CLOCK: variants seen among roughly 807,000 people sequenced by gnomAD.
The protein encoded by CLOCK is clock circadian regulator.
Under a neutral mutation model 118.4 loss-of-function variants are expected in CLOCK, and 43 were observed. The ratio of observed to expected loss-of-function variants is 0.36; its 90% CI spans 0.28 to 0.47. The LOEUF (loss-of-function observed/expected upper bound fraction) is 0.47. CLOCK is among the 20% of genes least tolerant of loss of function. The pLI, the probability that CLOCK is intolerant of heterozygous loss-of-function variation, is 1.00. For missense variants in CLOCK, 846 were observed against 999.9 expected (o/e 0.85, Z 2.08); for synonymous variants, 326 against 339.2 (o/e 0.96, Z 0.43).
In CLOCK at chr4:55,438,501, C is replaced by T; in HGVS notation, c.2142G>A (p.Val714=). 6.2e-7 allele frequency: 1 copy of T among 1,613,636 alleles called. No individual in the cohort carries two copies. The highest frequency in any genetic ancestry group is 1.1e-5 in the South Asian group (1 of 91,044). ...SQGQQLVTKL[V]TAPVACGAVM... The stretch of plus-strand genomic sequence containing the variant: ...CTGCCCCACAAGCTACAGGAGCAGT[C>T]ACTAATTTGGTCACAAGTTGTTGAC... Residue 714 remains valine, a synonymous_variant, in exon 22 of 23, where the codon GTG becomes GTA. Coordinates refer to ENST00000513440, the MANE Select transcript of CLOCK (RefSeq NM_004898.4).
chr4:55,509,122 G>C (rs1045088766), intron 2 of CLOCK, among the ~76,000 whole-genome samples: 3 of 152,122 alleles, frequency 2.0e-5, no homozygotes, highest in African/African-American at 7.2e-5. Flanking sequence ...AAAGGTAATG[G>C]GTTGTGCCAT....
chr4:55,505,147 C>T (rs929976466), intron 2 of CLOCK, among the ~76,000 whole-genome samples: 1 of 127,752 alleles, frequency 7.8e-6, no homozygotes, highest in African/African-American at 2.7e-5. Context: ...ACTCTGTCCC[C>T]CTCACCCCCC....
intron 18 of CLOCK, among the ~76,000 whole-genome samples, chr4:55,447,041 T>C (rs1723916395): frequency 6.6e-6 from 1 of 152,080 alleles, no homozygotes; most frequent in Non-Finnish European, 1.5e-5. Flanking sequence ...CTCAAGTTTT[T>C]TTTTTTGTTT....
At position 55,458,474 on chromosome 4, in the gene CLOCK, T is replaced by C. The variant is rs545475790; in HGVS notation, c.792+418A>G. On this transcript the variant is annotated intron_variant, in intron 11 of 22. Coordinates refer to ENST00000513440, the MANE Select transcript of CLOCK (RefSeq NM_004898.4). ...TCATCTGTTTGTTGGGTCCAGGAAA[T>C]AAAAATAAAATACCTAATTTTACAT... is the stretch of plus-strand genomic sequence containing the variant. Among the ~76,000 whole-genome samples the C allele has an allele frequency of 2.0e-4, 31 of 152,136 alleles. No individual in the cohort carries two copies. In the East Asian group the frequency reaches 6.0e-3, roughly 29 times the overall value.
At chr4:55,454,796 C>A (rs1449729933) in intron 13 of CLOCK, among the ~76,000 whole-genome samples, 1 of 151,938 alleles carries the variant, frequency 6.6e-6, no homozygotes, top group Non-Finnish European at 1.5e-5. Flanking sequence ...TATGGACCAA[C>A]ATTCGGTGGA....
chr4:55,476,928 C>G (rs983410453), intron 6 of CLOCK, among the ~76,000 whole-genome samples: 2 of 152,028 alleles, frequency 1.3e-5, no homozygotes, highest in African/African-American at 4.8e-5. Flanking sequence ...ATTTTATCAT[C>G]AGATAGAGAA....
At chr4:55,494,366 C>T (rs1022524521) in intron 2 of CLOCK, among the ~76,000 whole-genome samples, 2 of 152,148 alleles carry the variant, frequency 1.3e-5, no homozygotes, top group Non-Finnish European at 2.9e-5. Context: ...CAAAAAAGGA[C>T]ACTGCAGATG....
At chr4:55,456,064 T>C in intron 12 of CLOCK, 61 bp from the exon 13 acceptor site, 1 of 1,034,910 alleles carries the variant, frequency 9.7e-7, no homozygotes, top group Non-Finnish European at 1.4e-6. Flanking sequence ...ATATTTCAAC[T>C]AGAAATAAAC....
At chr4:55,522,478 C>T (rs1056762600) in intron 1 of CLOCK, among the ~76,000 whole-genome samples, 3 of 150,512 alleles carry the variant, frequency 2.0e-5, no homozygotes, top group Non-Finnish European at 4.4e-5. Context: ...ACAAAAGATG[C>T]CAACCAGTAA....
intron 1 of CLOCK, among the ~76,000 whole-genome samples, chr4:55,531,698 C>A (rs1168293906): frequency 1.6e-5 from 1 of 63,076 alleles, no homozygotes. Flanking sequence ...AGCAAGACTT[C>A]GTCTCAAAAA....
chr4:55,457,505 T>C (rs1472519234), intron 11 of CLOCK, among the ~76,000 whole-genome samples: 2 of 152,210 alleles, frequency 1.3e-5, no homozygotes, highest in Non-Finnish European at 2.9e-5. Context: ...ACAATTACCT[T>C]ACCAATACTC....
intron 2 of CLOCK, among the ~76,000 whole-genome samples, chr4:55,493,087 T>A (rs1727834356): frequency 6.6e-6 from 1 of 152,134 alleles, no homozygotes; most frequent in Non-Finnish European, 1.5e-5. Context: ...ATTTTTTTTC[T>A]TTTTCTTTTA....
chr4:55,494,455 T>A (rs575437681), intron 2 of CLOCK, among the ~76,000 whole-genome samples: 3 of 152,194 alleles, frequency 2.0e-5, no homozygotes, highest in Admixed American at 6.5e-5. Flanking sequence ...CGTGAGTTCT[T>A]AAGAGGAAAG....
In CLOCK at chr4:55,453,725, TG is replaced by T; in HGVS notation, c.1081del (p.Gln361SerfsTer15). ...LQTHYYITYHQWNSRPEFIVC... is the reference protein window; with the variant it reads ...LQTHYYITYHXWNSRPEFIVC... The stretch of plus-strand genomic sequence containing the variant: ...AATAAACTCTGGCCTTGAATTCCAC[TG>T]ATGGTAAGTGATATAATAATGAGTC... On this transcript the variant is annotated frameshift_variant, in exon 14 of 23. Transcript: ENST00000513440. LOFTEE classifies it high-confidence loss of function. The T allele has an allele frequency of 6.2e-7, 1 of 1,610,848 alleles. No homozygotes were observed.
chr4:55,527,457 T>C (rs899369421), intron 1 of CLOCK, among the ~76,000 whole-genome samples: 1 of 152,148 alleles, frequency 6.6e-6, no homozygotes, highest in African/African-American at 2.4e-5. Flanking sequence ...AGCTTGCCCA[T>C]ATATTTTCTA....
chr4:55,449,416 T>A lies in CLOCK; in HGVS notation c.1429A>T (p.Arg477Trp). ...CTTACCTGACTACTAAATGATGACC[T>A]TCTTTGCACCATCTTCTCATGAGCT... Reference protein sequence around the residue: ...LPAHEKMVQRRSSFSSQSINS... With the variant: ...LPAHEKMVQRWSSFSSQSINS... Residue 477 changes from arginine to tryptophan, a missense_variant, in exon 17 of 23, where the codon AGG (arginine) becomes TGG (tryptophan). By Grantham distance (101) the Arg-to-Trp change is moderately radical. Around this residue, in one of 4 missense-constraint regions of CLOCK, gnomAD observed 520 missense variants for 558.0 expected, o/e 0.93. Transcript: ENST00000513440. 1 of 1,613,968 alleles carries A rather than the reference T, an allele frequency of 6.2e-7. No homozygotes were observed. Among genetic ancestry groups the A allele is most frequent in the Non-Finnish European group, 8.5e-7 (1 of 1,179,868 alleles).
At chr4:55,448,738 T>C (rs377541838) in intron 18 of CLOCK, 41 bp downstream of exon 18, 6 of 1,507,282 alleles carry the variant, frequency 4.0e-6, no homozygotes, top group Non-Finnish European at 4.6e-6. Context: ...AAGCAATTTA[T>C]CATATTCAAA....
intron 1 of CLOCK, among the ~76,000 whole-genome samples, chr4:55,533,915 C>CA (rs1285151697): frequency 2.6e-5 from 4 of 152,080 alleles, no homozygotes; most frequent in Non-Finnish European, 5.9e-5. Context: ...AAAAATAAAA[C>CA]AAAAACAAAG....
chr4:55,458,962 T>C lies in CLOCK; in HGVS notation c.722A>G (p.His241Arg). The change falls in exon 11 of 23, where the codon CAT becomes CGT. Residue 241 changes from histidine to arginine, a missense_variant. Around this residue, in one of 4 missense-constraint regions of CLOCK, gnomAD observed 246 missense variants for 300.2 expected, o/e 0.82. Transcript: ENST00000513440. Reference protein sequence around the residue: ...NGFEGTIQRTHRPSYEDRVCF... With the variant: ...NGFEGTIQRTRRPSYEDRVCF... ...AACTCTATCTTCATAAGATGGCCTA[T>C]GTGTGCGTTGTATAGTTCCTTCAAA... The C allele has an allele frequency of 1.2e-6, 2 of 1,613,960 alleles. No individual in the cohort carries two copies. The highest frequency in any genetic ancestry group is 1.7e-6 in the Non-Finnish European group (2 of 1,179,936).
Sources: allele counts gnomAD v4.1 joint callset (sites outside exome capture counted in the v4.1 genomes callset), GRCh38; gene constraint gnomAD v4.1.1; regional missense constraint gnomAD v4.1.1; transcripts MANE v1.5; gene names NCBI Gene and HGNC (gene_info 2026-07-23, HGNC 2026-07-21).